Variants in TRPV4 observed in about 807,000 individuals in gnomAD.
The protein encoded by TRPV4 is OSM9-like transient receptor potential channel 4.
Under a neutral mutation model 84.1 loss-of-function variants are expected in TRPV4, and 58 were observed. That is an observed-to-expected ratio of 0.69 (90% CI 0.56 to 0.86). The LOEUF (loss-of-function observed/expected upper bound fraction) is 0.86, where lower values mean the gene tolerates loss of function less well. Among genes scored for constraint, TRPV4 ranks in the 40% least tolerant of loss-of-function variants. TRPV4 has a pLI of 0.00. For missense variants in TRPV4, 879 were observed against 1,181.1 expected (o/e 0.74, Z 3.75); for synonymous variants, 489 against 500.9 (o/e 0.98, Z 0.32).
intron 1 of TRPV4, among the ~76,000 whole-genome samples, chr12:109,828,675 A>C (rs543933724): frequency 2.3e-4 from 35 of 152,322 alleles, no homozygotes; most frequent in African/African-American, 8.2e-4. Flanking sequence ...GGGTGAGCCT[A>C]GCGTAGCTTT....
At chr12:109,784,520 T>C in intron 14 of TRPV4, 83 bp from the exon 15 acceptor site, 1 of 1,604,918 alleles carries the variant, frequency 6.2e-7, no homozygotes, top group Non-Finnish European at 8.5e-7. Flanking sequence ...CCTCCTATTT[T>C]TTTATTATGG....
rs116322034 is a variant in TRPV4, at chr12:109,793,065, G to A, written c.1659-248C>T. Among the ~76,000 whole-genome samples the A allele has an allele frequency of 6.4e-3, 981 of 152,314 alleles. 17 individuals carry two copies. The highest frequency in any genetic ancestry group is 0.022 in the African/African-American group (935 of 41,568). ...AGTGATGCCCCTTGGAATTGCTAAA[G>A]AAAGATTTAGTGGTGTTCAGTGGAG... On this transcript the variant is annotated intron_variant, in intron 10 of 15. Coordinates refer to ENST00000261740, the MANE Select transcript of TRPV4 (RefSeq NM_021625.5). The surrounding 1 kb of genome is among the most constrained non-coding windows in gnomAD (Gnocchi z 4.0).
Position 109,793,698 on chromosome 12 carries a change from A to G in TRPV4, c.1585-98T>C. 4.7e-6 allele frequency: 5 copies of G among 1,054,594 alleles called. No homozygotes were observed. The highest frequency in any genetic ancestry group is 5.9e-6 in the Non-Finnish European group (4 of 681,362). 65.3% of individuals were successfully genotyped at this position (1,054,594 alleles called of 1,614,324 possible). ...AAAGGGATAGAAGAGAGGGAGGCAG[A>G]GGCTGGTACAGAGAAAAGACAAAGG... On this transcript the variant is annotated intron_variant, in intron 9 of 15. Coordinates refer to ENST00000261740, the MANE Select transcript of TRPV4 (RefSeq NM_021625.5). This position sits in a 1 kb window ranked among gnomAD's most constrained non-coding sequence, Gnocchi z 4.0.
intron 1 of TRPV4, among the ~76,000 whole-genome samples, chr12:109,832,055 G>T (rs139749732): frequency 1.8e-4 from 28 of 152,364 alleles, no homozygotes; most frequent in African/African-American, 6.3e-4. Flanking sequence ...GCTGTGCCAG[G>T]TTCCTGGAAG....
Position 109,784,231 on chromosome 12 carries a change from G to A in TRPV4, c.2458+85C>T, listed in dbSNP as rs557502079. 2.5e-6 allele frequency: 4 copies of A among 1,594,980 alleles called. No homozygotes were observed. The African/African-American group carries it at 5.4e-5, about 21-fold the overall frequency. On this transcript the variant is annotated intron_variant, in intron 15 of 15. Transcript: ENST00000261740. The stretch of plus-strand genomic sequence containing the variant: ...CTCATTCTGTAGACACGGACACTGA[G>A]TCCCGGAAAGAAGCAGGACTGCTCA...
At chr12:109,831,857 G>T (rs1350506147) in intron 1 of TRPV4, among the ~76,000 whole-genome samples, 2 of 152,238 alleles carry the variant, frequency 1.3e-5, no homozygotes, top group Non-Finnish European at 2.9e-5. Flanking sequence ...TGCCATTTGT[G>T]TCTGGGACCC....
intron 1 of TRPV4, chr12:109,832,480 G>C (rs553227418): frequency 2.0e-5 from 3 of 152,480 alleles, no homozygotes; most frequent in African/African-American, 7.2e-5. Flanking sequence ...AGCCAGAACA[G>C]CCACAGGGCC....
Position 109,783,690 on chromosome 12 carries a change from C to G in TRPV4, c.2547G>C (p.Gly849=), listed in dbSNP as rs1463454912. Residue 849 remains glycine, a synonymous_variant, in exon 16 of 16, where the codon GGG becomes GGC. Coordinates refer to ENST00000261740, the MANE Select transcript of TRPV4 (RefSeq NM_021625.5). The surrounding 1 kb of genome is among the most constrained non-coding windows in gnomAD (Gnocchi z 4.6). ...DEVVVPLDSM[G]NPRCDGHQQG... is the part of the protein sequence containing the mutation. ...GCTGGTGGCCATCGCAGCGGGGGTT[C>G]CCCATGCTGTCCAGAGGCACCACCA... is the stretch of plus-strand genomic sequence containing the variant. 3 of 1,613,678 alleles carry G rather than the reference C, an allele frequency of 1.9e-6. No homozygotes were observed. The highest frequency in any genetic ancestry group is 2.5e-6 in the Non-Finnish European group (3 of 1,179,998).
rs1411091303 is a variant in TRPV4, at chr12:109,788,684, T to A, written c.1924A>T (p.Met642Leu). 4 of 1,614,172 alleles carry A rather than the reference T, an allele frequency of 2.5e-6. No individual in the cohort carries two copies. The highest frequency in any genetic ancestry group is 3.4e-6 in the Non-Finnish European group (4 of 1,180,030). ...LVSLLNPCAN[M>L]KVCNEDQTNC... ...GTCTGGTCCTCATTGCACACCTTCA[T>A]GTTGGCACACGGGTTCAGGAGGGAG... The change falls in exon 13 of 16, where the codon ATG becomes TTG. Residue 642 changes from methionine to leucine, a missense_variant. By Grantham distance (15) the Met-to-Leu change is conservative. Transcript: ENST00000261740.
chr12:109,824,219 C>T (rs1892189918), intron 1 of TRPV4, among the ~76,000 whole-genome samples: 1 of 152,016 alleles, frequency 6.6e-6, no homozygotes, highest in Non-Finnish European at 1.5e-5. Flanking sequence ...ACCGCCTCGG[C>T]CTCTCAAAAT....
intron 1 of TRPV4, among the ~76,000 whole-genome samples, chr12:109,816,722 G>A (rs948813036): frequency 1.3e-5 from 2 of 152,172 alleles, no homozygotes; most frequent in Non-Finnish European, 1.5e-5. Context: ...AGGTTGCAGT[G>A]AGCCAAGATG....
intron 1 of TRPV4, among the ~76,000 whole-genome samples, chr12:109,825,941 G>C (rs535784997): frequency 6.6e-6 from 1 of 152,286 alleles, no homozygotes; most frequent in South Asian, 2.1e-4. Context: ...TTAACTGCTT[G>C]GAATTATGAC....
intron 13 of TRPV4, among the ~76,000 whole-genome samples, chr12:109,788,080 T>C (rs1889802528): frequency 6.6e-6 from 1 of 152,218 alleles, no homozygotes; most frequent in Non-Finnish European, 1.5e-5. Context: ...GCTGAAACGC[T>C]GATGCCCACG....
chr12:109,822,045 G>C (rs935459724), intron 1 of TRPV4, among the ~76,000 whole-genome samples: 1 of 152,112 alleles, frequency 6.6e-6, no homozygotes, highest in Non-Finnish European at 1.5e-5. Context: ...AATCCTGATG[G>C]GGAGGGGGAA....
chr12:109,826,318 C>G (rs1892250638), intron 1 of TRPV4, among the ~76,000 whole-genome samples: 1 of 152,250 alleles, frequency 6.6e-6, no homozygotes, highest in South Asian at 2.1e-4. Flanking sequence ...ACCACCATGG[C>G]TGGCCCCTTC....
chr12:109,798,893 C>G lies in TRPV4; in HGVS notation c.873G>C (p.Leu291=), dbSNP rs1322495728. 1 of 1,611,480 alleles carries G rather than the reference C, an allele frequency of 6.2e-7. No individual in the cohort carries two copies. Among genetic ancestry groups the G allele is most frequent in the Non-Finnish European group, 8.5e-7 (1 of 1,178,190 alleles). Residue 291 remains leucine (L), a synonymous_variant, in exon 6 of 16, where the codon CTG becomes CTC. Transcript: ENST00000261740. This position sits in a 1 kb window ranked among gnomAD's most constrained non-coding sequence, Gnocchi z 5.0. ...TGTGGGGCTGGTTGGTGCAGGCAGC[C>G]AGCGACAGGGGCAGCTCCCCTGCGG... ...YFYFGELPLS[L]AACTNQPHIV...
At chr12:109,803,600 T>C (rs1246153240) in intron 3 of TRPV4, among the ~76,000 whole-genome samples, 1 of 151,398 alleles carries the variant, frequency 6.6e-6, no homozygotes, top group African/African-American at 2.4e-5. Flanking sequence ...ACTACAGGTG[T>C]GCACCTCCAT....
intron 1 of TRPV4, among the ~76,000 whole-genome samples, chr12:109,817,152 T>G (rs1195978566): frequency 2.0e-5 from 3 of 152,104 alleles, no homozygotes; most frequent in Non-Finnish European, 2.9e-5. Flanking sequence ...GGCTGCCACA[T>G]GCATTTGGGC....
At chr12:109,828,778 G>A (rs530909437) in intron 1 of TRPV4, among the ~76,000 whole-genome samples, 17 of 152,178 alleles carry the variant, frequency 1.1e-4, no homozygotes, top group Non-Finnish European at 1.8e-4. Context: ...GCTCTGCCAT[G>A]AGCCAGCTGG....
Sources: allele counts gnomAD v4.1 joint callset (sites outside exome capture counted in the v4.1 genomes callset), GRCh38; gene constraint gnomAD v4.1.1; non-coding constraint Gnocchi (gnomAD v3.1); transcripts MANE v1.5; gene names NCBI Gene and HGNC (gene_info 2026-07-23, HGNC 2026-07-21).